The following TMEM41B variants were observed in gnomAD, a reference collection of about 807,000 sequenced individuals.
The protein encoded by TMEM41B is protein stasimon.
A neutral mutation model predicts 31.9 loss-of-function variants in TMEM41B; 18 were observed. The observed-to-expected ratio is 0.56, with a 90% CI of 0.39 to 0.84. TMEM41B has a LOEUF of 0.84. TMEM41B is among the 40% of genes least tolerant of loss of function. The pLI is 0.00. For missense variants in TMEM41B, 322 were observed against 348.0 expected, an observed-to-expected ratio of 0.93 and a Z score of 0.59; for synonymous variants, 144 against 124.3, an observed-to-expected ratio of 1.16 and a Z score of -1.05.
intron 2 of TMEM41B, among the ~76,000 whole-genome samples, chr11:9,297,069 C>T (rs1462673702): frequency 5.3e-5 from 8 of 152,100 alleles, no homozygotes; most frequent in Admixed American, 2.0e-4. Flanking sequence ...ACTGCAGGCA[C>T]GTGCCACTAT....
At position 9,281,328 on chromosome 11, in the gene TMEM41B, G is replaced by A. The variant is rs1852714222; in HGVS notation, c.*2096C>T. The A allele has an allele frequency of 1.3e-5, 2 of 152,208 alleles. No homozygotes were observed. The highest frequency in any genetic ancestry group is 2.1e-4 in the South Asian group (1 of 4,820). The allele number at this position is 152,208 out of a possible 1,614,324, so 9.4% of individuals were successfully genotyped here. ...CAGTCAGTCTCTGGGCAATAAGAAA[G>A]GAAGAAAGCCTTGCTAGAAATAATA... On this transcript the variant is annotated 3_prime_UTR_variant, in exon 7 of 7. Coordinates refer to ENST00000528080, the MANE Select transcript of TMEM41B (RefSeq NM_015012.4).
chr11:9,286,531 C>A lies in TMEM41B; in HGVS notation c.630G>T (p.Leu210=). ...ATGTGATATTAATAAACCAATTAGG[C>A]AGAAATGGTGTTATTCTCAAAAATA... The part of the protein sequence containing the change: ...YIIFLRITPF[L]PNWFINITSP... Residue 210 remains leucine (L), a synonymous_variant, in exon 6 of 7, where the codon CTG becomes CTT. Transcript: ENST00000528080. 1 of 1,613,200 alleles carries A rather than the reference C, an allele frequency of 6.2e-7. No individual in the cohort carries two copies. Among genetic ancestry groups the A allele is most frequent in the East Asian group, 2.2e-5 (1 of 44,862 alleles).
At chr11:9,298,275 A>AGGTT (rs1853148892) in intron 2 of TMEM41B, among the ~76,000 whole-genome samples, 1 of 151,014 alleles carries the variant, frequency 6.6e-6, no homozygotes, top group Non-Finnish European at 1.5e-5. Context: ...CTTGGCCAAC[A>AGGTT]TGGCAAAACC....
chr11:9,312,404 G>A (rs544198848), intron 1 of TMEM41B, among the ~76,000 whole-genome samples: 13 of 152,310 alleles, frequency 8.5e-5, no homozygotes, highest in Admixed American at 6.5e-4. Flanking sequence ...AGGGGGCTGA[G>A]GTGGGAAGAT....
At position 9,314,520 on chromosome 11, in the gene TMEM41B, C is replaced by T; in HGVS notation, c.-79G>A. 6.8e-7 allele frequency: 1 copy of T among 1,470,460 alleles called. No homozygotes were observed. Among genetic ancestry groups the T allele is most frequent in the Non-Finnish European group, 9.0e-7 (1 of 1,107,178 alleles). The allele number at this position is 1,470,460 out of a possible 1,614,324, so 91.1% of individuals were successfully genotyped here. On this transcript the variant is annotated 5_prime_UTR_variant, in exon 1 of 7. Coordinates refer to ENST00000528080, the MANE Select transcript of TMEM41B (RefSeq NM_015012.4). ...ACTCTGTTGCAGGCTCCTTACTACG[C>T]CGAAGCGCCACGGCTAGAGCCACTT...
intron 2 of TMEM41B, among the ~76,000 whole-genome samples, chr11:9,299,022 T>C (rs1853171054): frequency 6.6e-6 from 1 of 151,954 alleles, no homozygotes. Flanking sequence ...GGCTCAAGCC[T>C]ATAATCCCAG....
At position 9,283,522 on chromosome 11, in the gene TMEM41B, C is replaced by T; in HGVS notation, c.778G>A (p.Ala260Thr). 6.2e-7 allele frequency: 1 copy of T among 1,613,502 alleles called. No homozygotes were observed. Among genetic ancestry groups the T allele is most frequent in the Non-Finnish European group, 8.5e-7 (1 of 1,179,800 alleles). Residue 260 changes from alanine (A) to threonine (T), a missense_variant, in exon 7 of 7, where the codon GCT becomes ACT. By Grantham distance (58) the Ala-to-Thr change is moderately conservative. Around this residue, in one of 3 missense-constraint regions of TMEM41B, gnomAD observed 92 missense variants for 88.0 expected, o/e 1.05. Transcript: ENST00000528080. ...TLYQLTTAGEAVSWNSIFILM... is the reference protein window; with the variant it reads ...TLYQLTTAGETVSWNSIFILM... ...ATAAATATTGAGTTCCAGGAAACAG[C>T]TTCTCCTGCTGTTGTAAGTTGATAC...
At chr11:9,302,877 G>A (rs1853291492) in intron 1 of TMEM41B, among the ~76,000 whole-genome samples, 1 of 100,180 alleles carries the variant, frequency 1.0e-5, no homozygotes, top group Non-Finnish European at 2.1e-5. Flanking sequence ...AGTGGTGGTG[G>A]TGTACACCTA....
intron 3 of TMEM41B, 26 bp from the exon 4 acceptor site, chr11:9,288,561 G>GTTCT (rs1852887198): frequency 6.8e-7 from 1 of 1,463,950 alleles, no homozygotes. Flanking sequence ...TTAAGGATTA[G>GTTCT]AATATAATTA....
intron 3 of TMEM41B, among the ~76,000 whole-genome samples, chr11:9,291,373 C>T (rs1009857447): frequency 6.6e-6 from 1 of 150,648 alleles, no homozygotes; most frequent in East Asian, 2.0e-4. Flanking sequence ...CAGAGTGAGA[C>T]TCCCATCTCA....
At position 9,314,412 on chromosome 11, in the gene TMEM41B, C is replaced by A. The variant is rs770450017; in HGVS notation, c.30G>T (p.Ser10=). The change falls in exon 1 of 7, where the codon TCG becomes TCT. Residue 10 remains serine (S), a synonymous_variant. Transcript: ENST00000528080. ...GGGTCGTGTGGTGAGCGCCCAACTG[C>A]GATCGTTCGGCGACTCTGCCTTTCG... The part of the protein sequence containing the change: MAKGRVAER[S]QLGAHHTTPV... The A allele has an allele frequency of 5.8e-6, 9 of 1,564,800 alleles. No homozygotes were observed. In the Admixed American group the frequency reaches 7.5e-5, roughly 13 times the overall value.
intron 1 of TMEM41B, among the ~76,000 whole-genome samples, chr11:9,299,991 T>A (rs538366380): frequency 7.0e-4 from 106 of 152,186 alleles, no homozygotes; most frequent in African/African-American, 2.2e-3. Context: ...TGGTGGTGCA[T>A]GCCTGTAATC....
Position 9,314,563 on chromosome 11 carries a change from C to G in TMEM41B, c.-122G>C. 1 of 1,357,040 alleles carries G rather than the reference C, an allele frequency of 7.4e-7. No individual in the cohort carries two copies. The highest frequency in any genetic ancestry group is 1.5e-5 in the South Asian group (1 of 68,004). The allele number at this position is 1,357,040 out of a possible 1,614,324, so 84.1% of individuals were successfully genotyped here. A position where few individuals can be genotyped will look rare whatever the true frequency, so the allele number is the denominator to read the frequency against. ...AGCCACTTCCGGCGCGACCTCCTCA[C>G]CCGAGACGACCTCAGCCCAGCGAGT... On this transcript the variant is annotated 5_prime_UTR_variant, in exon 1 of 7. Coordinates refer to ENST00000528080, the MANE Select transcript of TMEM41B (RefSeq NM_015012.4).
chr11:9,299,910 G>A (rs1853205588), intron 1 of TMEM41B, among the ~76,000 whole-genome samples: 1 of 152,070 alleles, frequency 6.6e-6, no homozygotes, highest in Admixed American at 6.6e-5. Flanking sequence ...ACTTGAGGTT[G>A]GGAGTTCGAG....
rs1477135584 is a variant in TMEM41B at position 9,314,401 on chromosome 11, G to C, written c.41C>G (p.Ala14Gly). 7.7e-6 allele frequency: 12 copies of C among 1,568,002 alleles called. No individual in the cohort carries two copies. Among genetic ancestry groups the C allele is most frequent in the Non-Finnish European group, 1.0e-5 (12 of 1,156,556 alleles). ...GRVAERSQLG[A>G]HHTTPVGDGA... ...GTCCCCCACGGGGGTCGTGTGGTGAGCGCCCAACTGCGATCGTTCGGCGAC... is the reference window on the plus strand; with the variant it reads ...GTCCCCCACGGGGGTCGTGTGGTGACCGCCCAACTGCGATCGTTCGGCGAC... Residue 14 changes from alanine to glycine, a missense_variant, in exon 1 of 7, where the codon GCT (alanine) becomes GGT (glycine). This residue lies in a region of TMEM41B where 183 missense variants were observed against 175.3 expected (regional missense o/e 1.04). Coordinates refer to ENST00000528080, the MANE Select transcript of TMEM41B (RefSeq NM_015012.4).
At chr11:9,291,124 TAAA>T (rs942633596) in intron 3 of TMEM41B, among the ~76,000 whole-genome samples, 1 of 151,352 alleles carries the variant, frequency 6.6e-6, no homozygotes, top group African/African-American at 2.4e-5. Context: ...TCAAAAAAAA[TAAA>T]AATAAAAATA....
intron 3 of TMEM41B, among the ~76,000 whole-genome samples, chr11:9,291,619 C>T (rs1264453603): frequency 6.6e-6 from 1 of 151,808 alleles, no homozygotes; most frequent in Non-Finnish European, 1.5e-5. Flanking sequence ...CCAGGATAGT[C>T]TCCATCTCCC....
At chr11:9,299,049 G>A (rs1195426917) in intron 2 of TMEM41B, among the ~76,000 whole-genome samples, 1 of 151,832 alleles carries the variant, frequency 6.6e-6, no homozygotes, top group Non-Finnish European at 1.5e-5. Flanking sequence ...GGGAGGCCGA[G>A]GCAGGTGGAT....
chr11:9,295,314 A>T lies in TMEM41B; in HGVS notation c.313T>A (p.Tyr105Asn). 6.3e-7 allele frequency: 1 copy of T among 1,598,448 alleles called. No homozygotes were observed. The highest frequency in any genetic ancestry group is 1.1e-5 in the South Asian group (1 of 89,398). ...ACTTGAACATAAAAGGTGTCCTTGTATTTGGATAAAACTTTTCCTAGAGCC... is the reference window on the plus strand; with the variant it reads ...ACTTGAACATAAAAGGTGTCCTTGTTTTTGGATAAAACTTTTCCTAGAGCC... ...AKALGKVLSK[Y>N]KDTFYVQVLV... The change falls in exon 3 of 7, where the codon TAC (tyrosine) becomes AAC (asparagine). Residue 105 changes from tyrosine to asparagine, a missense_variant. This residue lies in a region of TMEM41B where 183 missense variants were observed against 175.3 expected (regional missense o/e 1.04). Transcript: ENST00000528080.
Sources: allele counts gnomAD v4.1 joint callset (sites outside exome capture counted in the v4.1 genomes callset), GRCh38; gene constraint gnomAD v4.1.1; regional missense constraint gnomAD v4.1.1; transcripts MANE v1.5; gene names NCBI Gene and HGNC (gene_info 2026-07-23, HGNC 2026-07-21).